LIMCH1: variants seen among roughly 807,000 people sequenced by gnomAD.
The protein encoded by LIMCH1 is LIM and calponin homology domains-containing protein 1.
In LIMCH1, 113 loss-of-function variants were observed where a neutral mutation model predicts 176.5. That is an observed-to-expected ratio of 0.64 (90% CI 0.55 to 0.75). The LOEUF (loss-of-function observed/expected upper bound fraction) is 0.75, where lower values mean the gene tolerates loss of function less well. Ranked by LOEUF, LIMCH1 falls within the 30% of genes least tolerant of loss-of-function variation. The pLI, the probability that LIMCH1 is intolerant of heterozygous loss-of-function variation, is 0.00. For missense variants in LIMCH1, 1,674 were observed against 1,814.9 expected (o/e 0.92, Z 1.41); for synonymous variants, 619 against 645.9 (o/e 0.96, Z 0.63).
chr4:41,506,802 T>TA (rs1270599155), intron 2 of LIMCH1, among the ~76,000 whole-genome samples: 2 of 152,212 alleles, frequency 1.3e-5, no homozygotes, highest in African/African-American at 4.8e-5. Context: ...GTGTGGTTTT[T>TA]ATCCCTCATA....
chr4:41,667,871 C>A (rs780553348), intron 21 of LIMCH1, among the ~76,000 whole-genome samples: 30 of 151,976 alleles, frequency 2.0e-4, no homozygotes, highest in Admixed American at 4.6e-4. Context: ...GTGGCTCACA[C>A]CTGTAATCCC....
chr4:41,542,581 G>A (rs562209321), intron 1 of LIMCH1, among the ~76,000 whole-genome samples: 1 of 152,234 alleles, frequency 6.6e-6, no homozygotes, highest in Admixed American at 6.5e-5. Context: ...TTTGTTTCTT[G>A]ATTTTTTTGC....
chr4:41,530,870 G>A (rs1034764111), intron 3 of LIMCH1, among the ~76,000 whole-genome samples: 18 of 144,128 alleles, frequency 1.2e-4, no homozygotes, highest in Admixed American at 1.2e-3. Context: ...CAGGGAAGAG[G>A]GAGGTTAGAG....
At chr4:41,419,616 TTCCTTCCTTCCTTCCTTCC>T (rs1561310374) in intron 1 of LIMCH1, among the ~76,000 whole-genome samples, 3 of 90,902 alleles carry the variant, frequency 3.3e-5, no homozygotes, top group Non-Finnish European at 5.9e-5. Flanking sequence ...CCTTCCTTCC[TTCCTTCCTTCCTTCCTTCC>T]TCCTTCCTTT....
chr4:41,609,530 A>G, intron 4 of LIMCH1: 2 of 411,924 alleles, frequency 4.9e-6, no homozygotes, highest in South Asian at 1.8e-5. Context: ...CACCTTACAA[A>G]TCACAAAGGG....
chr4:41,604,689 C>T (rs769884841), intron 3 of LIMCH1, among the ~76,000 whole-genome samples: 5 of 152,074 alleles, frequency 3.3e-5, no homozygotes, highest in Non-Finnish European at 7.4e-5. Context: ...TTTAAGATAG[C>T]CTCATACTCT....
chr4:41,674,018 G>A (rs2095137136), intron 22 of LIMCH1, among the ~76,000 whole-genome samples: 1 of 152,196 alleles, frequency 6.6e-6, no homozygotes, highest in Admixed American at 6.5e-5. Flanking sequence ...CCCACAGTCA[G>A]TGGGCCATAA....
intron 1 of LIMCH1, among the ~76,000 whole-genome samples, chr4:41,544,396 G>C (rs957321483): frequency 6.6e-6 from 1 of 152,098 alleles, no homozygotes; most frequent in African/African-American, 2.4e-5. Context: ...ACCCTGCAAG[G>C]TTTTTCTTGG....
chr4:41,444,473 G>T (rs1436617201), intron 1 of LIMCH1, among the ~76,000 whole-genome samples: 1 of 152,126 alleles, frequency 6.6e-6, no homozygotes, highest in Non-Finnish European at 1.5e-5. Flanking sequence ...GACCTTAAGG[G>T]TAGGTCAGTG....
intron 2 of LIMCH1, among the ~76,000 whole-genome samples, chr4:41,515,889 A>G (rs1420682866): frequency 6.6e-6 from 1 of 152,168 alleles, no homozygotes; most frequent in Non-Finnish European, 1.5e-5. Flanking sequence ...GCATCACAGC[A>G]ATTTCACCCT....
intron 1 of LIMCH1, among the ~76,000 whole-genome samples, chr4:41,375,762 A>G (rs1361281719): frequency 6.6e-6 from 1 of 152,242 alleles, no homozygotes; most frequent in Non-Finnish European, 1.5e-5. Flanking sequence ...AGTGACCCAG[A>G]TTGGCACAGC....
chr4:41,567,169 C>A (rs776239033), intron 1 of LIMCH1, among the ~76,000 whole-genome samples: 1 of 152,134 alleles, frequency 6.6e-6, no homozygotes, highest in Non-Finnish European at 1.5e-5. Flanking sequence ...AAGGGGGGGA[C>A]CTGCTTGGAT....
intron 3 of LIMCH1, among the ~76,000 whole-genome samples, chr4:41,526,910 C>T (rs539762105): frequency 6.6e-6 from 1 of 152,236 alleles, no homozygotes; most frequent in Admixed American, 6.5e-5. Context: ...ATCCTCATCT[C>T]TTGCCTGGAC....
intron 1 of LIMCH1, among the ~76,000 whole-genome samples, chr4:41,392,516 A>T (rs1016486294): frequency 6.6e-6 from 1 of 152,172 alleles, no homozygotes; most frequent in Non-Finnish European, 1.5e-5. Context: ...ACAGCAAGGG[A>T]TGCTGTTTGC....
At chr4:41,638,887 A>G (rs767641497) in intron 13 of LIMCH1, 45 bp from the exon 14 acceptor site, 2 of 1,549,976 alleles carry the variant, frequency 1.3e-6, no homozygotes, top group South Asian at 1.1e-5. Context: ...TACAGTGTTC[A>G]CTTTCAACTC....
At chr4:41,406,472 G>A (rs1239347065) in intron 1 of LIMCH1, among the ~76,000 whole-genome samples, 1 of 152,182 alleles carries the variant, frequency 6.6e-6, no homozygotes, top group East Asian at 1.9e-4. Flanking sequence ...ATAAGCTTAT[G>A]TGTGTAAGGA....
intron 14 of LIMCH1, among the ~76,000 whole-genome samples, chr4:41,642,692 G>A (rs936907492): frequency 6.6e-6 from 1 of 151,190 alleles, no homozygotes; most frequent in Non-Finnish European, 1.5e-5. Flanking sequence ...CCTAGTAGCT[G>A]GGACTATAGG....
In LIMCH1 at chr4:41,447,308, G is replaced by A. The variant is rs1267641428; in HGVS notation, c.97-47228G>A. On this transcript the variant is annotated intron_variant, in intron 1 of 26. Coordinates refer to the LIMCH1 transcript ENST00000313860. ...TCATTGCATTTCAAGAGGAGCGAGT[G>A]TTTTGAGAAAAGACAAGGACTTTTG... 3.9e-5 allele frequency among the ~76,000 whole-genome samples: 6 copies of A among 152,290 alleles called. No individual in the cohort carries two copies. The East Asian group carries it at 5.8e-4, about 15-fold the overall frequency.
chr4:41,360,365 GT>G (rs1561114122), upstream of LIMCH1, among the ~76,000 whole-genome samples: 1 of 151,870 alleles, frequency 6.6e-6, no homozygotes, highest in Non-Finnish European at 1.5e-5. The surrounding 1 kb of genome is among the most constrained non-coding windows in gnomAD (Gnocchi z 4.5). Flanking sequence ...CCGGGCCCGG[GT>G]GCGCCCCACT....
Sources: gnomAD v4.1 joint callset for allele counts (sites outside exome capture counted in the v4.1 genomes callset) on GRCh38, gnomAD v4.1.1 for gene constraint, Gnocchi (gnomAD v3.1) non-coding constraint, MANE v1.5 for transcripts, NCBI Gene and HGNC (gene_info 2026-07-23, HGNC 2026-07-21) for gene names.